IL1RAPL1: variants seen among roughly 807,000 people sequenced by gnomAD.
IL1RAPL1 encodes interleukin 1 receptor accessory protein like 1.
IL1RAPL1 carries 3 observed loss-of-function variants against 48.4 expected under a neutral mutation model. The ratio of observed to expected loss-of-function variants is 0.06; its 90% CI spans 0.03 to 0.16. IL1RAPL1 has a LOEUF of 0.16. IL1RAPL1 is among the 10% of genes least tolerant of loss of function. The pLI, the probability that IL1RAPL1 is intolerant of heterozygous loss-of-function variation, is 1.00. For missense variants in IL1RAPL1, 349 were observed against 530.6 expected, an observed-to-expected ratio of 0.66 and a Z score of 3.36; for synonymous variants, 185 against 187.7, an observed-to-expected ratio of 0.99 and a Z score of 0.12.
chrX:28,792,816 A>AAAAATATATATAT (rs1936562170), intron 2 of IL1RAPL1, among the ~76,000 whole-genome samples: 1 of 10,109 alleles, frequency 9.9e-5, no homozygotes, highest in Non-Finnish European at 1.8e-4. Context: ...AAAAAAAAAA[A>AAAAATATATATAT]ATATATATAT....
rs1290836064 is a variant in IL1RAPL1, at chrX:29,326,963, A to T, written c.362+43746A>T. Among the ~76,000 whole-genome samples, 8 of 112,107 alleles carry T rather than the reference A, an allele frequency of 7.1e-5. No individual in the cohort carries two copies. In the East Asian group the frequency reaches 1.9e-3, roughly 27 times the overall value. ...ACTCTTTTACATAATATTTCTTCAG[A>T]AAAAGGCAAGAAGAAGGTTGTATGT... is the stretch of plus-strand genomic sequence containing the variant. On this transcript the variant is annotated intron_variant, in intron 3 of 10. Transcript: ENST00000378993.
At chrX:29,000,542 T>G (rs1925827112) in intron 2 of IL1RAPL1, among the ~76,000 whole-genome samples, 1 of 111,809 alleles carries the variant, frequency 8.9e-6, no homozygotes, top group Non-Finnish European at 1.9e-5. Context: ...TGGAATTGAG[T>G]AATTTTAGAA....
At chrX:28,620,077 T>A (rs1934268642) in intron 1 of IL1RAPL1, among the ~76,000 whole-genome samples, 2 of 104,391 alleles carry the variant, frequency 1.9e-5, no homozygotes, top group South Asian at 4.2e-4. Context: ...TCCTGCAGTT[T>A]AAAAAAAAAA....
At chrX:28,604,314 T>A (rs1268493367) in intron 1 of IL1RAPL1, among the ~76,000 whole-genome samples, 1 of 112,063 alleles carries the variant, frequency 8.9e-6, no homozygotes, top group Non-Finnish European at 1.9e-5. Flanking sequence ...AGTTCCAATT[T>A]TGGCTTTGAC....
At chrX:29,240,224 ATT>A (rs55639151) in intron 2 of IL1RAPL1, among the ~76,000 whole-genome samples, 3 of 13,341 alleles carry the variant, frequency 2.2e-4, no homozygotes, top group African/African-American at 1.2e-3. Context: ...ATATATATAT[ATT>A]TTTTTTTTTT....
At chrX:29,698,346 TGCA>T (rs1182464992) in intron 6 of IL1RAPL1, among the ~76,000 whole-genome samples, 2 of 110,674 alleles carry the variant, frequency 1.8e-5, no homozygotes, top group Non-Finnish European at 3.8e-5. Flanking sequence ...TTATTCAGTA[TGCA>T]GTTCTAAGCT....
intron 5 of IL1RAPL1, among the ~76,000 whole-genome samples, chrX:29,476,659 C>A (rs1934977848): frequency 1.8e-5 from 2 of 109,790 alleles, no homozygotes; most frequent in South Asian, 7.7e-4. Flanking sequence ...TTAATATTAA[C>A]TGATTTGTAC....
Position 28,985,987 on chromosome X carries a change from T to A in IL1RAPL1, c.82+196562T>A, listed in dbSNP as rs150055287. ...AACGAGCACATTTTTTAAAAGGTTG[T>A]CCATTTTATGAAAATGAGTAGAAAT... On this transcript the variant is annotated intron_variant, in intron 2 of 10. Transcript: ENST00000378993. Among the ~76,000 whole-genome samples, 351 of 112,114 alleles carry A rather than the reference T, an allele frequency of 3.1e-3. 1 individual carries two copies. Among genetic ancestry groups the A allele is most frequent in the African/African-American group, 0.011 (333 of 30,835 alleles).
chrX:29,401,660 G>C (rs1260532553), intron 5 of IL1RAPL1, among the ~76,000 whole-genome samples: 2 of 104,775 alleles, frequency 1.9e-5, no homozygotes, highest in Non-Finnish European at 3.9e-5. Flanking sequence ...GGAATTTGAA[G>C]TTTGTTATAA....
At chrX:29,406,904 G>A (rs5927469) in intron 5 of IL1RAPL1, among the ~76,000 whole-genome samples, 42,048 of 110,467 alleles carry the variant, frequency 0.38, 6,605 homozygotes, top group Middle Eastern at 0.54. Context: ...TACGTTTTTT[G>A]TTGGAAGATA....
intron 2 of IL1RAPL1, among the ~76,000 whole-genome samples, chrX:29,236,763 G>A (rs1269070707): frequency 9.6e-6 from 1 of 104,026 alleles, no homozygotes; most frequent in Admixed American, 1.1e-4. Context: ...AGAGACGGGG[G>A]TTTCACCGTG....
At chrX:29,135,368 G>C (rs1360885723) in intron 2 of IL1RAPL1, among the ~76,000 whole-genome samples, 2 of 111,834 alleles carry the variant, frequency 1.8e-5, no homozygotes, top group East Asian at 5.6e-4. Context: ...GACTTATTTT[G>C]ATGTGACTAC....
chrX:29,507,012 T>C (rs1246157397), intron 5 of IL1RAPL1, among the ~76,000 whole-genome samples: 1 of 110,045 alleles, frequency 9.1e-6, no homozygotes, highest in African/African-American at 3.3e-5. Context: ...TGTGAAAGAC[T>C]GATTCTCTTA....
chrX:29,822,686 G>C (rs144575039), intron 6 of IL1RAPL1, among the ~76,000 whole-genome samples: 158 of 111,612 alleles, frequency 1.4e-3, no homozygotes, highest in African/African-American at 4.8e-3. Flanking sequence ...ACAGTGAGAA[G>C]GCAAGGATTG....
intron 6 of IL1RAPL1, among the ~76,000 whole-genome samples, chrX:29,803,212 TATATGTATACATATAC>T (rs1569173879): frequency 0.012 from 449 of 37,747 alleles, 76 homozygotes; most frequent in African/African-American, 0.025. Context: ...CACACATGTA[TATATGTATACATATAC>T]ACACATGTAT....
intron 2 of IL1RAPL1, among the ~76,000 whole-genome samples, chrX:29,247,772 ACT>A (rs1447730244): frequency 9.0e-6 from 1 of 111,544 alleles, no homozygotes; most frequent in East Asian, 2.8e-4. Context: ...ACAGAGCTAG[ACT>A]CTGTCTCAAA....
chrX:29,881,200 G>A (rs759504308), intron 6 of IL1RAPL1, among the ~76,000 whole-genome samples: 1 of 110,860 alleles, frequency 9.0e-6, no homozygotes, highest in Non-Finnish European at 1.9e-5. Context: ...ACAGCACGCA[G>A]TCTAAGGCAA....
chrX:29,435,552 G>T (rs1359657343), intron 5 of IL1RAPL1, among the ~76,000 whole-genome samples: 4 of 110,662 alleles, frequency 3.6e-5, no homozygotes, highest in African/African-American at 6.5e-5. Flanking sequence ...CCTCATTGTG[G>T]TTTTGTGCCG....
intron 2 of IL1RAPL1, among the ~76,000 whole-genome samples, chrX:29,119,572 A>G (rs1424071310): frequency 8.9e-6 from 1 of 111,915 alleles, no homozygotes; most frequent in Non-Finnish European, 1.9e-5. Flanking sequence ...ATTGATGGAT[A>G]CAAAGAATCA....
Sources: gnomAD v4.1 joint callset for allele counts (sites outside exome capture counted in the v4.1 genomes callset) on GRCh38, gnomAD v4.1.1 for gene constraint, MANE v1.5 for transcripts, NCBI Gene and HGNC (gene_info 2026-07-23, HGNC 2026-07-21) for gene names.